SLC29A2: variants seen among roughly 807,000 people sequenced by gnomAD.
The protein encoded by SLC29A2 is solute carrier family 29 member 2.
SLC29A2 carries 37 observed loss-of-function variants against 48.8 expected under a neutral mutation model. The observed-to-expected ratio is 0.76, with a 90% CI of 0.58 to 1.00. The LOEUF (loss-of-function observed/expected upper bound fraction) is 1.00, where lower values mean the gene tolerates loss of function less well. Among genes scored for constraint, SLC29A2 ranks in the 50% least tolerant of loss-of-function variants. SLC29A2 has a pLI of 0.00. For missense variants in SLC29A2, 533 were observed against 578.6 expected, an observed-to-expected ratio of 0.92 and a Z score of 0.81; for synonymous variants, 233 against 261.7, an observed-to-expected ratio of 0.89 and a Z score of 1.06.
intron 7 of SLC29A2, 85 bp downstream of exon 7, chr11:66,367,379 G>A: frequency 8.5e-7 from 1 of 1,179,514 alleles, no homozygotes. Flanking sequence ...GGCTCTGGCT[G>A]GGAACAGATG....
At chr11:66,371,193 G>A (rs1361589570) in intron 2 of SLC29A2, 51 bp downstream of exon 2, 1 of 1,523,184 alleles carries the variant, frequency 6.6e-7, no homozygotes, top group Non-Finnish European at 9.1e-7. Flanking sequence ...AGGGCTGGAG[G>A]GAGGGGTGCT....
chr11:66,365,674 C>G (rs1238041509), intron 10 of SLC29A2, among the ~76,000 whole-genome samples: 6 of 152,228 alleles, frequency 3.9e-5, no homozygotes. Context: ...GGTGCAGGAA[C>G]CTCCATGTAA....
chr11:66,366,338 G>T (rs1157377869), intron 8 of SLC29A2, 93 bp downstream of exon 8: 17 of 1,606,634 alleles, frequency 1.1e-5, no homozygotes, highest in East Asian at 2.2e-5. Flanking sequence ...GCCCAGCTGT[G>T]TCCCTGACCC....
rs1482580081 is a variant in SLC29A2 at position 66,368,522 on chromosome 11, C to T, written c.550+15G>A. The T allele has an allele frequency of 1.2e-6, 2 of 1,613,488 alleles. No homozygotes were observed. Among genetic ancestry groups the T allele is most frequent in the Non-Finnish European group, 1.7e-6 (2 of 1,179,948 alleles). On this transcript the variant is annotated intron_variant, in intron 5 of 11. Transcript: ENST00000357440. ...AGAGGCCACCCCAGCCCTCCAGCCA[C>T]CCAAGTGCACTCACTGGCCATGGAC... is the stretch of plus-strand genomic sequence containing the variant.
intron 11 of SLC29A2, 101 bp from the exon 12 acceptor site, chr11:66,363,648 CCT>C: frequency 1.2e-6 from 1 of 836,932 alleles, no homozygotes; most frequent in Admixed American, 2.0e-5. Context: ...TGACCCAACC[CCT>C]CTGTCACCAT....
intron 10 of SLC29A2, 77 bp from the exon 11 acceptor site, chr11:66,364,501 T>TA: frequency 1.3e-5 from 12 of 947,124 alleles, no homozygotes; most frequent in Non-Finnish European, 1.7e-5. Flanking sequence ...ACCCATAGAG[T>TA]ACTTTTTTTT....
chr11:66,363,837 A>G (rs1166639705), intron 11 of SLC29A2: 2 of 527,600 alleles, frequency 3.8e-6, no homozygotes, highest in East Asian at 6.8e-5. Flanking sequence ...TGGATTCTCC[A>G]CTCCATTGCC....
chr11:66,366,573 A>AG lies in SLC29A2; in HGVS notation c.734-10dup, dbSNP rs767665098. 6.2e-6 allele frequency: 10 copies of AG among 1,612,948 alleles called. No individual in the cohort carries two copies. Among genetic ancestry groups the AG allele is most frequent in the Non-Finnish European group, 8.5e-6 (10 of 1,179,860 alleles). ...GGGAATCCCGTTCTCATCTGGGGTG[A>AG]GGGGGGACGGGGAAGGGTCATGCTT... On this transcript the variant is annotated splice_polypyrimidine_tract_variant and intron_variant, in intron 7 of 11. Transcript: ENST00000357440.
At chr11:66,372,060 T>TC (rs1856086036), upstream of SLC29A2, 1 of 165,462 alleles carries the variant, frequency 6.0e-6, no homozygotes, top group Non-Finnish European at 1.3e-5. Context: ...GCGGGGCTCT[T>TC]CCCGCTTCGT....
chr11:66,371,961 T>G, upstream of SLC29A2: 1 of 330,224 alleles, frequency 3.0e-6, no homozygotes, highest in East Asian at 6.8e-5. Flanking sequence ...GGGTCCCGGA[T>G]CCCTGCGGCG....
In SLC29A2 at chr11:66,366,805, C is replaced by G. The variant is rs930510652; in HGVS notation, c.734-241G>C. On this transcript the variant is annotated intron_variant, in intron 7 of 11. Coordinates refer to ENST00000357440, the MANE Select transcript of SLC29A2 (RefSeq NM_001532.3). ...TTTCTACAAAAATAAAAAAATTAGCCGGGCATGGCAGCCTGCACCTATAGT... is the reference window on the plus strand; with the variant it reads ...TTTCTACAAAAATAAAAAAATTAGCGGGGCATGGCAGCCTGCACCTATAGT... Among the ~76,000 whole-genome samples the G allele has an allele frequency of 6.8e-4, 104 of 152,102 alleles. 1 individual carries two copies. Among genetic ancestry groups the G allele is most frequent in the Admixed American group, 2.3e-3 (35 of 15,254 alleles).
rs1384418442 is a variant in SLC29A2, at chr11:66,364,396, A to G, written c.1088T>C (p.Leu363Pro). The change falls in exon 11 of 12, where the codon CTG (leucine) becomes CCG (proline). Residue 363 changes from leucine to proline, a missense_variant. By Grantham distance (98) the Leu-to-Pro change is moderately conservative (BLOSUM62 -3). Transcript: ENST00000357440. ...GAACAGGAACCGCAGGCAGACCAGC[A>G]GGGGCAGCAGCCGGCTGTCCTCGTC... ...WPDEDSRLLP[L>P]LVCLRFLFVP... 6.2e-7 allele frequency: 1 copy of G among 1,613,470 alleles called. No homozygotes were observed.
At position 66,369,551 on chromosome 11, in the gene SLC29A2, G is replaced by A; in HGVS notation, c.112-19C>T. ...GGAAGTACTGCCAGGTGGGGAGGTGGTGGAGGGTCAGCACCTCTCAGCCTT... is the reference window on the plus strand; with the variant it reads ...GGAAGTACTGCCAGGTGGGGAGGTGATGGAGGGTCAGCACCTCTCAGCCTT... On this transcript the variant is annotated intron_variant, in intron 2 of 11. Transcript: ENST00000357440. 2.5e-6 allele frequency: 4 copies of A among 1,613,434 alleles called. 1 individual carries two copies. The Middle Eastern group carries it at 5.0e-4, about 200-fold the overall frequency.
At position 66,363,414 on chromosome 11, in the gene SLC29A2, C is replaced by T; in HGVS notation, c.*22G>A. On this transcript the variant is annotated 3_prime_UTR_variant, in exon 12 of 12. Transcript: ENST00000357440. ...GAAGGAGACGTCGAGAAGAGGCTGC[C>T]AAAGAGCCTGGAGGGGCCACTTCAG... 2 of 1,568,124 alleles carry T rather than the reference C, an allele frequency of 1.3e-6. No individual in the cohort carries two copies. Among genetic ancestry groups the T allele is most frequent in the Non-Finnish European group, 8.8e-7 (1 of 1,138,462 alleles).
rs779402591 is a variant in SLC29A2, at chr11:66,371,244, C to G, written c.111G>C (p.Pro37=). The G allele has an allele frequency of 4.3e-6, 7 of 1,613,540 alleles. No individual in the cohort carries two copies. In the South Asian group the frequency reaches 6.6e-5, roughly 15 times the overall value. The change falls in exon 2 of 12, where the codon CCG becomes CCC. Residue 37 remains proline (P), a splice_region_variant and synonymous_variant. Coordinates refer to ENST00000357440, the MANE Select transcript of SLC29A2 (RefSeq NM_001532.3). ...LPWNFFITAI[P]YFQARLAGAG... ...GCTGCCACGCCGCCAGGAGTCTCACCGGGATGGCGGTGATGAAGAAGTTCC... is the reference window on the plus strand; with the variant it reads ...GCTGCCACGCCGCCAGGAGTCTCACGGGGATGGCGGTGATGAAGAAGTTCC...
Position 66,363,547 on chromosome 11 carries a change from C to T in SLC29A2, c.1260G>A (p.Arg420=). The change falls in exon 12 of 12, where the codon AGG becomes AGA. Residue 420 remains arginine, a splice_region_variant and synonymous_variant. Coordinates refer to ENST00000357440, the MANE Select transcript of SLC29A2 (RefSeq NM_001532.3). ...LVSLTMCLAP[R]QVLPHEREVA... is the part of the protein sequence containing the mutation. ...CCTCCCTCTCGTGTGGCAGCACCTGCCTAGAACACCCGGGAACAGGAGCTC... is the reference window on the plus strand; with the variant it reads ...CCTCCCTCTCGTGTGGCAGCACCTGTCTAGAACACCCGGGAACAGGAGCTC... 6.2e-7 allele frequency: 1 copy of T among 1,609,646 alleles called. No homozygotes were observed. The highest frequency in any genetic ancestry group is 1.3e-5 in the African/African-American group (1 of 74,952).
In SLC29A2 at chr11:66,364,259, A is replaced by C. The variant is rs755759697; in HGVS notation, c.1225T>G (p.Tyr409Asp). Reference protein sequence around the residue: ...FMLLFAVSNGYLVSLTMCLAP... With the variant: ...FMLLFAVSNGDLVSLTMCLAP... ...AGGCACATGGTGAGGGACACCAGGT[A>C]GCCATTAGAAACGGCAAAGAGCAGC... The change falls in exon 11 of 12, where the codon TAC becomes GAC. Residue 409 changes from tyrosine to aspartate, a missense_variant. Tyr to Asp is a radical substitution (Grantham distance 160, BLOSUM62 -3). Transcript: ENST00000357440. The C allele has an allele frequency of 6.2e-7, 1 of 1,613,414 alleles. No homozygotes were observed. Among genetic ancestry groups the C allele is most frequent in the Non-Finnish European group, 8.5e-7 (1 of 1,179,776 alleles).
rs1052789411 is a variant in SLC29A2 at position 66,371,623 on chromosome 11, G to A, written c.-32C>T. 50 of 1,541,356 alleles carry A rather than the reference G, an allele frequency of 3.2e-5. No homozygotes were observed. The highest frequency in any genetic ancestry group is 4.2e-5 in the Non-Finnish European group (48 of 1,148,462). ...CGCGGCGGATGCGCCTGGGGTGAAA[G>A]GGGCAGAGAAGCCGCACCTGCACCT... On this transcript the variant is annotated 5_prime_UTR_variant, in exon 1 of 12. Transcript: ENST00000357440.
chr11:66,366,053 T>C, intron 9 of SLC29A2, 32 bp from the exon 10 acceptor site: 1 of 1,610,822 alleles, frequency 6.2e-7, no homozygotes, highest in Admixed American at 1.7e-5. Context: ...CTCATACTGG[T>C]CTCCAACTCC....
Sources: gnomAD v4.1 joint callset for allele counts (sites outside exome capture counted in the v4.1 genomes callset) on GRCh38, gnomAD v4.1.1 for gene constraint, MANE v1.5 for transcripts, NCBI Gene and HGNC (gene_info 2026-07-23, HGNC 2026-07-21) for gene names.